Variants in OTUD3 observed in about 807,000 individuals in gnomAD.
OTUD3 encodes OTU domain-containing protein 3.
OTUD3 carries 24 observed loss-of-function variants against 46.2 expected under a neutral mutation model. The observed-to-expected ratio is 0.52, with a 90% CI of 0.38 to 0.73. OTUD3 has a LOEUF of 0.73. OTUD3 is among the 30% of genes least tolerant of loss of function. The pLI, the probability that OTUD3 is intolerant of heterozygous loss-of-function variation, is 0.00. For synonymous variants in OTUD3, 189 were observed against 195.4 expected (o/e 0.97, Z 0.27); for missense variants, 455 against 523.3 (o/e 0.87, Z 1.27).
At chr1:19,886,899 T>C (rs2045369429) in intron 1 of OTUD3, among the ~76,000 whole-genome samples, 2 of 152,206 alleles carry the variant, frequency 1.3e-5, no homozygotes. Flanking sequence ...AGATCAGCGC[T>C]GTCCAGGGGA....
chr1:19,894,711 A>G lies in OTUD3; in HGVS notation c.483+231A>G, dbSNP rs140139045. On this transcript the variant is annotated intron_variant, in intron 3 of 7. Transcript: ENST00000375120. ...TCTTTTAAAATGCTATAAATATTCA[A>G]CAGTCAGCTAATTGGGCAGGTTGGG... 3.0e-3 allele frequency among the ~76,000 whole-genome samples: 453 copies of G among 152,350 alleles called. 3 individuals are homozygous for G. Among genetic ancestry groups the G allele is most frequent in the African/African-American group, 0.01 (427 of 41,568 alleles).
At chr1:19,899,800 T>A (rs973284619) in intron 4 of OTUD3, among the ~76,000 whole-genome samples, 1 of 152,238 alleles carries the variant, frequency 6.6e-6, no homozygotes, top group African/African-American at 2.4e-5. Context: ...GGGGAAAAAT[T>A]GTTTACTTAA....
rs1424579624 is a variant in OTUD3, at chr1:19,886,622, A to C, written c.222-3763A>C. Among the ~76,000 whole-genome samples the C allele has an allele frequency of 7.2e-5, 11 of 152,324 alleles. No individual in the cohort carries two copies. In the East Asian group the frequency reaches 1.9e-3, roughly 27 times the overall value. ...GGTTATTGATGTTTTTTAAAAAAAA[A>C]TTTACAGATGATTCTTATATGCATC... On this transcript the variant is annotated intron_variant, in intron 1 of 7. Transcript: ENST00000375120.
At chr1:19,905,032 T>G (rs1305298214) in intron 6 of OTUD3, 45 bp downstream of exon 6, 1 of 1,041,958 alleles carries the variant, frequency 9.6e-7, no homozygotes, top group East Asian at 2.4e-5. Context: ...ATGGTTGTGT[T>G]GGTAATTTTC....
rs2045690919 is a variant in OTUD3 at position 19,908,321 on chromosome 1, G to A, written c.*575G>A. Reference sequence around the variant, plus strand: ...AGTTACGTGAGGGTTGTGGCCTGCAGTCAGGATGGAAATTAACCGCATTTC... The same window carrying A: ...AGTTACGTGAGGGTTGTGGCCTGCAATCAGGATGGAAATTAACCGCATTTC... On this transcript the variant is annotated 3_prime_UTR_variant, in exon 8 of 8. Coordinates refer to ENST00000375120, the MANE Select transcript of OTUD3 (RefSeq NM_015207.2). 1 of 152,396 alleles carries A rather than the reference G, an allele frequency of 6.6e-6. No individual in the cohort carries two copies. The highest frequency in any genetic ancestry group is 2.4e-5 in the African/African-American group (1 of 41,468). The allele number at this position is 152,396 out of a possible 1,614,324, so 9.4% of individuals were successfully genotyped here. A position where few individuals can be genotyped will look rare whatever the true frequency, so the allele number is the denominator to read the frequency against.
intron 1 of OTUD3, among the ~76,000 whole-genome samples, chr1:19,888,374 T>C (rs1032375806): frequency 7.9e-5 from 12 of 152,230 alleles, no homozygotes; most frequent in African/African-American, 2.7e-4. Flanking sequence ...AGTGCTCTTA[T>C]TGGGCTCACC....
chr1:19,891,228 G>A (rs1396443567), intron 2 of OTUD3, among the ~76,000 whole-genome samples: 2 of 152,132 alleles, frequency 1.3e-5, no homozygotes, highest in Admixed American at 1.3e-4. Flanking sequence ...ATTTTAATTG[G>A]TTCCTATTTA....
chr1:19,886,450 A>G lies in OTUD3; in HGVS notation c.221+3716A>G, dbSNP rs559735378. On this transcript the variant is annotated intron_variant, in intron 1 of 7. Transcript: ENST00000375120. ...ATCTTGTCTAATTATTGCCTGTGTC[A>G]CCTGAACAGCAGTGCCATCTTTTGT... Among the ~76,000 whole-genome samples, 26 of 152,284 alleles carry G rather than the reference A, an allele frequency of 1.7e-4. 1 individual carries two copies. The South Asian group carries it at 5.4e-3, about 32-fold the overall frequency.
At position 19,894,128 on chromosome 1, in the gene OTUD3, A is replaced by G. The variant is rs181917872; in HGVS notation, c.371-240A>G. ...TTGAGTTAGTATATTGGAAGTAATC[A>G]GTAAACATTTATTGCAGAAGAAATA... is the stretch of plus-strand genomic sequence containing the variant. On this transcript the variant is annotated intron_variant, in intron 2 of 7. Transcript: ENST00000375120. 2.1e-3 allele frequency among the ~76,000 whole-genome samples: 318 copies of G among 152,384 alleles called. 1 individual carries two copies. Among genetic ancestry groups the G allele is most frequent in the African/African-American group, 7.4e-3 (309 of 41,592 alleles).
At chr1:19,884,116 G>A (rs1272084763) in intron 1 of OTUD3, among the ~76,000 whole-genome samples, 1 of 152,210 alleles carries the variant, frequency 6.6e-6, no homozygotes, top group Non-Finnish European at 1.5e-5. Context: ...CTAAGCATAA[G>A]CCCAAGACAC....
intron 2 of OTUD3, 64 bp downstream of exon 2, chr1:19,890,597 C>T: frequency 1.5e-6 from 2 of 1,378,858 alleles, no homozygotes; most frequent in Non-Finnish European, 2.1e-6. Context: ...AGTCCACTGG[C>T]ATCCTCCCCC....
intron 1 of OTUD3, among the ~76,000 whole-genome samples, chr1:19,889,121 T>TA (rs1281509436): frequency 6.6e-6 from 1 of 152,200 alleles, no homozygotes; most frequent in Non-Finnish European, 1.5e-5. Context: ...TCGATTAACT[T>TA]ACTTTTCTCC....
At chr1:19,905,100 A>G in intron 6 of OTUD3, 113 bp downstream of exon 6, 1 of 667,032 alleles carries the variant, frequency 1.5e-6, no homozygotes, top group South Asian at 1.9e-5. Context: ...TTCATTTAGG[A>G]GTTGTTTATT....
intron 1 of OTUD3, 113 bp from the exon 2 acceptor site, chr1:19,890,268 GTCTT>G: frequency 1.0e-6 from 1 of 997,026 alleles, no homozygotes; most frequent in South Asian, 1.5e-5. Flanking sequence ...TTAGAGTTGA[GTCTT>G]TACCTCTGTG....
At chr1:19,901,721 T>G (rs1347569188) in intron 4 of OTUD3, among the ~76,000 whole-genome samples, 2 of 152,212 alleles carry the variant, frequency 1.3e-5, no homozygotes, top group African/African-American at 4.8e-5. Context: ...GCCCTTCTTC[T>G]CTATGAATTT....
At chr1:19,887,406 T>C (rs1378732079) in intron 1 of OTUD3, among the ~76,000 whole-genome samples, 2 of 152,222 alleles carry the variant, frequency 1.3e-5, no homozygotes, top group African/African-American at 2.4e-5. Flanking sequence ...TATTTTCTTA[T>C]ATGACCGCTT....
At position 19,906,520 on chromosome 1, in the gene OTUD3, T is replaced by C; in HGVS notation, c.924T>C (p.Phe308=). 3 of 1,613,970 alleles carry C rather than the reference T, an allele frequency of 1.9e-6. No individual in the cohort carries two copies. Among genetic ancestry groups the C allele is most frequent in the Non-Finnish European group, 2.5e-6 (3 of 1,179,992 alleles). Residue 308 remains phenylalanine, a synonymous_variant, in exon 7 of 8, where the codon TTT becomes TTC. Transcript: ENST00000375120. Reference sequence around the variant, plus strand: ...AGGGTGGCAGTGGTGCCAGAATCTTTGGAAATCAGGGCTTAAATGAAGGCA... The same window carrying C: ...AGGGTGGCAGTGGTGCCAGAATCTTCGGAAATCAGGGCTTAAATGAAGGCA... ...WEEGGSGARI[F]GNQGLNEGRT... is the part of the protein sequence containing the mutation.
Position 19,907,494 on chromosome 1 carries a change from C to T in OTUD3, c.1021-76C>T, listed in dbSNP as rs966878987. 5.6e-6 allele frequency: 8 copies of T among 1,431,708 alleles called. No homozygotes were observed. In the African/African-American group the frequency reaches 9.9e-5, roughly 18 times the overall value. The allele number at this position is 1,431,708 out of a possible 1,614,324, so 88.7% of individuals were successfully genotyped here. A position where few individuals can be genotyped will look rare whatever the true frequency, so the allele number is the denominator to read the frequency against. ...GCTGAAAAGCAATCTGTGCCCTTTG[C>T]CACCATCTCCCTTCTAGCAGGTGGC... On this transcript the variant is annotated intron_variant, in intron 7 of 7. Transcript: ENST00000375120.
chr1:19,895,633 C>T (rs565615647), intron 3 of OTUD3, among the ~76,000 whole-genome samples: 1 of 152,294 alleles, frequency 6.6e-6, no homozygotes, highest in East Asian at 1.9e-4. Flanking sequence ...ATAGAAGGAG[C>T]AGGAGTGAAA....
Sources: allele counts gnomAD v4.1 joint callset (sites outside exome capture counted in the v4.1 genomes callset), GRCh38; gene constraint gnomAD v4.1.1; transcripts MANE v1.5; gene names NCBI Gene and HGNC (gene_info 2026-07-23, HGNC 2026-07-21).